Variants in PCDHGA10 observed in about 807,000 individuals in gnomAD.
PCDHGA10 encodes protocadherin gamma-A10.
A neutral mutation model predicts 59.5 loss-of-function variants in PCDHGA10; 42 were observed. The ratio of observed to expected loss-of-function variants is 0.71; its 90% CI spans 0.55 to 0.91. The LOEUF (loss-of-function observed/expected upper bound fraction) is 0.91. Ranked by LOEUF, PCDHGA10 falls within the 40% of genes least tolerant of loss-of-function variation. The probability of loss-of-function intolerance (pLI) is 0.00; values close to 1 mark genes in which losing one functional copy is unlikely to be tolerated. For missense variants in PCDHGA10, 1,111 were observed against 1,198.2 expected (o/e 0.93, Z 1.07); for synonymous variants, 511 against 517.2 (o/e 0.99, Z 0.16).
At chr5:141,472,295 A>G (rs147192748) in intron 1 of PCDHGA10, among the ~76,000 whole-genome samples, 8,225 of 152,254 alleles carry the variant, frequency 0.054, 462 homozygotes, top group African/African-American at 0.15. Flanking sequence ...TAATCCCAGC[A>G]CTTTGGGAAG....
At chr5:141,419,017 A>G (rs1478763916) in intron 1 of PCDHGA10, 4 of 1,613,928 alleles carry the variant, frequency 2.5e-6, no homozygotes, top group Non-Finnish European at 3.4e-6. Flanking sequence ...GGTGTAGCTT[A>G]AGTAGAGGTG....
Position 141,487,933 on chromosome 5 carries a change from A to G in PCDHGA10, c.2437-6874A>G. ...CACAGGAGGCTACAGTGCACAGGGT[A>G]CAGTGCACCAGGCAGTCACTTGGAC... is the stretch of plus-strand genomic sequence containing the variant. On this transcript the variant is annotated intron_variant, in intron 1 of 3. Coordinates refer to ENST00000398610, the MANE Select transcript of PCDHGA10 (RefSeq NM_018913.3). This position sits in a 1 kb window ranked among gnomAD's most constrained non-coding sequence, Gnocchi z 5.0. 1 of 612,006 alleles carries G rather than the reference A, an allele frequency of 1.6e-6. No homozygotes were observed. Among genetic ancestry groups the G allele is most frequent in the South Asian group, 2.0e-5 (1 of 49,074 alleles). The allele number at this position is 612,006 out of a possible 1,614,324, so 37.9% of individuals were successfully genotyped here. A position where few individuals can be genotyped will look rare whatever the true frequency, so the allele number is the denominator to read the frequency against.
intron 2 of PCDHGA10, among the ~76,000 whole-genome samples, chr5:141,495,811 G>A (rs1164360438): frequency 1.3e-5 from 2 of 151,710 alleles, no homozygotes; most frequent in Admixed American, 1.3e-4. Flanking sequence ...GTTTCCTAGC[G>A]CCTTGTGTTC....
At position 141,485,632 on chromosome 5, in the gene PCDHGA10, G is replaced by C; in HGVS notation, c.2437-9175G>C. 6.2e-7 allele frequency: 1 copy of C among 1,611,766 alleles called. No individual in the cohort carries two copies. The highest frequency in any genetic ancestry group is 8.5e-7 in the Non-Finnish European group (1 of 1,178,342). ...CAGCTCCTCCAGGACAGCGTTTCCC[G>C]TTGGAAAAGGCTCAGGATGCAGATG... is the stretch of plus-strand genomic sequence containing the variant. On this transcript the variant is annotated intron_variant, in intron 1 of 3. Coordinates refer to ENST00000398610, the MANE Select transcript of PCDHGA10 (RefSeq NM_018913.3). This position sits in a 1 kb window ranked among gnomAD's most constrained non-coding sequence, Gnocchi z 5.7.
At chr5:141,472,980 C>CAAAAAAAAAAAAAAAAAAA (rs60579131) in intron 1 of PCDHGA10, among the ~76,000 whole-genome samples, 6 of 86,104 alleles carry the variant, frequency 7.0e-5, no homozygotes, top group African/African-American at 1.2e-4. Context: ...GAGTGAAACT[C>CAAAAAAAAAAAAAAAAAAA]AAAAAAAAAA....
chr5:141,461,124 A>G (rs992107268), intron 1 of PCDHGA10, among the ~76,000 whole-genome samples: 1 of 151,978 alleles, frequency 6.6e-6, no homozygotes, highest in Admixed American at 6.6e-5. Context: ...TTTTTCATAT[A>G]ATTACTTATT....
At chr5:141,427,615 A>G (rs1428096450) in intron 1 of PCDHGA10, 2 of 693,732 alleles carry the variant, frequency 2.9e-6, no homozygotes, top group Non-Finnish European at 5.3e-6. Context: ...GGTGAAGTCA[A>G]CGACAATGCT....
At chr5:141,426,021 A>G (rs1590662256) in intron 1 of PCDHGA10, among the ~76,000 whole-genome samples, 2 of 152,312 alleles carry the variant, frequency 1.3e-5, no homozygotes, top group East Asian at 3.9e-4. Context: ...AGTTTTCTAA[A>G]TAGACTCAGA....
At chr5:141,434,693 T>C (rs2097710124) in intron 1 of PCDHGA10, among the ~76,000 whole-genome samples, 1 of 152,034 alleles carries the variant, frequency 6.6e-6, no homozygotes, top group Non-Finnish European at 1.5e-5. Context: ...TTGCTGTTAA[T>C]AAATATGTGG....
Position 141,413,092 on chromosome 5 carries a change from T to C in PCDHGA10, c.-84T>C. On this transcript the variant is annotated 5_prime_UTR_variant, in exon 1 of 4. Coordinates refer to ENST00000398610, the MANE Select transcript of PCDHGA10 (RefSeq NM_018913.3). Reference sequence around the variant, plus strand: ...AAGTGCCCAGGCTACAGAGACACCCTGAAGCCACAGAAAGACAAAGGAACC... The same window carrying C: ...AAGTGCCCAGGCTACAGAGACACCCCGAAGCCACAGAAAGACAAAGGAACC... 7.0e-7 allele frequency: 1 copy of C among 1,429,614 alleles called. No individual in the cohort carries two copies. Among genetic ancestry groups the C allele is most frequent in the Non-Finnish European group, 9.4e-7 (1 of 1,059,754 alleles). The allele number at this position is 1,429,614 out of a possible 1,614,324, so 88.6% of individuals were successfully genotyped here.
Position 141,421,312 on chromosome 5 carries a change from G to A in PCDHGA10, c.2436+5701G>A, listed in dbSNP as rs375071225. ...CCTGGGGACGCTGCGGGGGTTCCGGGCCAGGCAGATCCGATATTCGGTGCC... is the reference window on the plus strand; with the variant it reads ...CCTGGGGACGCTGCGGGGGTTCCGGACCAGGCAGATCCGATATTCGGTGCC... On this transcript the variant is annotated intron_variant, in intron 1 of 3. Coordinates refer to ENST00000398610, the MANE Select transcript of PCDHGA10 (RefSeq NM_018913.3). The A allele has an allele frequency of 1.9e-5, 31 of 1,613,630 alleles. No homozygotes were observed. The highest frequency in any genetic ancestry group is 1.4e-5 in the Non-Finnish European group (17 of 1,179,886).
intron 2 of PCDHGA10, among the ~76,000 whole-genome samples, chr5:141,497,076 C>T (rs1052240279): frequency 5.9e-5 from 9 of 151,826 alleles, no homozygotes; most frequent in Non-Finnish European, 8.8e-5. Context: ...GTAATCCCAG[C>T]GACTTAGGAG....
chr5:141,441,739 C>T, intron 1 of PCDHGA10: 1 of 365,272 alleles, frequency 2.7e-6, no homozygotes, highest in South Asian at 2.2e-5. Context: ...GACTAGCTCG[C>T]GCTCGGCGTC....
At chr5:141,462,036 G>T (rs760555655) in intron 1 of PCDHGA10, among the ~76,000 whole-genome samples, 6 of 151,978 alleles carry the variant, frequency 3.9e-5, no homozygotes, top group Non-Finnish European at 8.8e-5. Flanking sequence ...TTGGTCAGGC[G>T]GGTCTTGAAC....
chr5:141,485,109 CTGTT>C lies in PCDHGA10; in HGVS notation c.2437-9695_2437-9692del. ...AGATAGGTGTCTCCAGCTGCTGTGG[CTGTT>C]TGGGGCGGGTCGGCTTCATCCGCGT... On this transcript the variant is annotated intron_variant, in intron 1 of 3. Transcript: ENST00000398610. This position sits in a 1 kb window ranked among gnomAD's most constrained non-coding sequence, Gnocchi z 5.7. 8.1e-7 allele frequency: 1 copy of C among 1,230,964 alleles called. No individual in the cohort carries two copies. Among genetic ancestry groups the C allele is most frequent in the Non-Finnish European group, 1.2e-6 (1 of 850,026 alleles). The allele number at this position is 1,230,964 out of a possible 1,614,324, so 76.3% of individuals were successfully genotyped here.
Position 141,504,677 on chromosome 5 carries a change from T to C in PCDHGA10, c.2496-716T>C, listed in dbSNP as rs552242248. 4.7e-5 allele frequency among the ~76,000 whole-genome samples: 7 copies of C among 147,580 alleles called. No homozygotes were observed. In the East Asian group the frequency reaches 1.5e-3, roughly 31 times the overall value. ...TTTGAGGGCGGGGGGTGGGGGTTCT[T>C]GTAAAATAGGAGGGGCAGGTTCTTC... On this transcript the variant is annotated intron_variant, in intron 2 of 3. Transcript: ENST00000398610.
chr5:141,458,695 G>T (rs551105765), intron 1 of PCDHGA10, among the ~76,000 whole-genome samples: 2 of 151,734 alleles, frequency 1.3e-5, no homozygotes, highest in Non-Finnish European at 2.9e-5. Context: ...TCAGCCTCCC[G>T]AGTAGCTGGG....
chr5:141,485,995 T>G lies in PCDHGA10; in HGVS notation c.2437-8812T>G. 1 of 1,614,176 alleles carries G rather than the reference T, an allele frequency of 6.2e-7. No individual in the cohort carries two copies. On this transcript the variant is annotated intron_variant, in intron 1 of 3. Transcript: ENST00000398610. The surrounding 1 kb of genome is among the most constrained non-coding windows in gnomAD (Gnocchi z 5.7). ...CCTCAGACCCGGACCTGGGTCCCAG[T>G]GGTAACGTCACCTTTTATTTCAGTG...
At chr5:141,430,985 G>T (rs773308629) in intron 1 of PCDHGA10, 4 of 1,613,780 alleles carry the variant, frequency 2.5e-6, no homozygotes, top group Non-Finnish European at 3.4e-6. Flanking sequence ...GCAGCTTTTC[G>T]CCCTGAATCC....
Sources: allele counts gnomAD v4.1 joint callset (sites outside exome capture counted in the v4.1 genomes callset), GRCh38; gene constraint gnomAD v4.1.1; non-coding constraint Gnocchi (gnomAD v3.1); transcripts MANE v1.5; gene names NCBI Gene and HGNC (gene_info 2026-07-23, HGNC 2026-07-21).